KPTN: variants seen among roughly 807,000 people sequenced by gnomAD.
The protein encoded by KPTN is KICSTOR complex protein kaptin.
Under a neutral mutation model 52.6 loss-of-function variants are expected in KPTN, and 36 were observed. The observed-to-expected ratio is 0.68, with a 90% CI of 0.52 to 0.90. The LOEUF is 0.90. KPTN is among the 40% of genes least tolerant of loss of function. The pLI, the probability that KPTN is intolerant of heterozygous loss-of-function variation, is 0.00. For synonymous variants in KPTN, 271 were observed against 248.4 expected, an observed-to-expected ratio of 1.09 and a Z score of -0.85; for missense variants, 529 against 576.2, an observed-to-expected ratio of 0.92 and a Z score of 0.84.
At chr19:47,477,844 G>T in intron 8 of KPTN, 63 bp from the exon 9 acceptor site, 1 of 1,183,784 alleles carries the variant, frequency 8.4e-7, no homozygotes, top group South Asian at 1.2e-5. Flanking sequence ...TGGATCAGCT[G>T]AGGTCAGGAG....
At chr19:47,483,403 G>A in intron 2 of KPTN, 24 bp from the exon 3 acceptor site, 1 of 1,610,054 alleles carries the variant, frequency 6.2e-7, no homozygotes, top group African/African-American at 1.3e-5. Flanking sequence ...CGGGGTTCAG[G>A]GGAGGGCAGG....
In KPTN at chr19:47,477,758, C is replaced by T. The variant is rs1236514676; in HGVS notation, c.811G>A (p.Asp271Asn). The T allele has an allele frequency of 6.2e-7, 1 of 1,613,694 alleles. No individual in the cohort carries two copies. The highest frequency in any genetic ancestry group is 8.5e-7 in the Non-Finnish European group (1 of 1,179,652). Residue 271 changes from aspartate to asparagine, a missense_variant, in exon 9 of 12, where the codon GAT (aspartate) becomes AAT (asparagine). By Grantham distance (23) the Asp-to-Asn change is conservative. Coordinates refer to ENST00000338134, the MANE Select transcript of KPTN (RefSeq NM_007059.4). ...AKETKDRPLQ[D>N]EYSVLVASML... ...CTGGCCACGAGCACGCTGTACTCAT[C>T]TTGTAGTGGCCTGTCCTTGGTCTCT...
rs746683788 is a variant in KPTN, at chr19:47,484,130, G to T, written c.31C>A (p.Pro11Thr). ...AAGCTGTCCTCGCGCAACGGACAAG[G>T]CCCCGCGGCCACGGCCGCCTCCCCC... MMGEAAVAAG[P>T]CPLREDSFTR... Residue 11 changes from proline (P) to threonine (T), a missense_variant, in exon 1 of 12, where the codon CCT becomes ACT. Physicochemically the swap from Pro to Thr is conservative, Grantham distance 38. Transcript: ENST00000338134. 2.5e-6 allele frequency: 4 copies of T among 1,599,658 alleles called. No homozygotes were observed. The highest frequency in any genetic ancestry group is 3.4e-6 in the Non-Finnish European group (4 of 1,178,900).
chr19:47,481,181 A>G (rs898256384), intron 4 of KPTN, 148 bp from the exon 5 acceptor site: 9 of 664,806 alleles, frequency 1.4e-5, no homozygotes, highest in Admixed American at 9.4e-5. Flanking sequence ...CTCAGGGCTC[A>G]AGCTCCTGAG....
chr19:47,482,913 G>A (rs1568457985), intron 4 of KPTN, among the ~76,000 whole-genome samples: 1 of 152,086 alleles, frequency 6.6e-6, no homozygotes, highest in Admixed American at 6.6e-5. Flanking sequence ...CGCCATGTTG[G>A]CCAGGCTGGT....
At chr19:47,480,682 T>A in intron 6 of KPTN, 78 bp downstream of exon 6, 2 of 1,351,202 alleles carry the variant, frequency 1.5e-6, no homozygotes, top group Non-Finnish European at 2.1e-6. Flanking sequence ...GGTGACCAAT[T>A]TCTCTAAGGT....
At chr19:47,482,799 G>C (rs111816571) in intron 4 of KPTN, among the ~76,000 whole-genome samples, 1,938 of 152,190 alleles carry the variant, frequency 0.013, 43 homozygotes, top group African/African-American at 0.043. Context: ...TCCGCCTCCC[G>C]GGTTCAAGTG....
chr19:47,484,462 T>C (rs1033387407), upstream of KPTN: 4 of 478,616 alleles, frequency 8.4e-6, no homozygotes, highest in Non-Finnish European at 1.5e-5. Flanking sequence ...CTGTATGCTG[T>C]GTGGAAGGTC....
At chr19:47,484,806 G>T (rs1182302941), upstream of KPTN, among the ~76,000 whole-genome samples, 1 of 150,296 alleles carries the variant, frequency 6.7e-6, no homozygotes, top group Non-Finnish European at 1.5e-5. Flanking sequence ...CTGGGTTCAA[G>T]CGATTCTCCT....
chr19:47,481,143 A>T, intron 4 of KPTN, 110 bp from the exon 5 acceptor site: 1 of 825,970 alleles, frequency 1.2e-6, no homozygotes, highest in Non-Finnish European at 2.0e-6. Context: ...ACATTCTGGG[A>T]TCCAGACACT....
rs144668323 is a variant in KPTN, at chr19:47,483,673, A to G, written c.227-89T>C. The stretch of plus-strand genomic sequence containing the variant: ...GTGAGCTCTGGCTACCGCAATGATC[A>G]TGCCCTCTGGTCTGAGTCCTGACCA... On this transcript the variant is annotated intron_variant, in intron 1 of 11. Transcript: ENST00000338134. 2,489 of 1,052,082 alleles carry G rather than the reference A, an allele frequency of 2.4e-3. 17 individuals are homozygous for G. Among genetic ancestry groups the G allele is most frequent in the South Asian group, 8.8e-3 (584 of 66,042 alleles). 65.2% of individuals were successfully genotyped at this position (1,052,082 alleles called of 1,614,324 possible). A position where few individuals can be genotyped will look rare whatever the true frequency, so the allele number is the denominator to read the frequency against.
chr19:47,476,994 C>A, intron 9 of KPTN, 56 bp from the exon 10 acceptor site: 1 of 1,525,662 alleles, frequency 6.6e-7, no homozygotes, highest in African/African-American at 1.4e-5. Context: ...GCCCAGCACC[C>A]TTGGCGGATG....
intron 11 of KPTN, among the ~76,000 whole-genome samples, chr19:47,475,864 G>A (rs891673323): frequency 2.2e-4 from 33 of 152,026 alleles, no homozygotes; most frequent in Admixed American, 9.8e-4. Context: ...GGGAGGCTGA[G>A]GCAGGACAAT....
rs1967839538 is a variant in KPTN, at chr19:47,480,478, G to A, written c.600-71C>T. 7.0e-6 allele frequency: 8 copies of A among 1,140,650 alleles called. No individual in the cohort carries two copies. In the East Asian group the frequency reaches 1.6e-4, roughly 22 times the overall value. The allele number at this position is 1,140,650 out of a possible 1,614,324, so 70.7% of individuals were successfully genotyped here. A position where few individuals can be genotyped will look rare whatever the true frequency, so the allele number is the denominator to read the frequency against. ...CAGCCCCGCCCCTCTGCCTCCCCAGGGGCAGCCGCCCCTCCCTGTAGCCCT... is the reference window on the plus strand; with the variant it reads ...CAGCCCCGCCCCTCTGCCTCCCCAGAGGCAGCCGCCCCTCCCTGTAGCCCT... On this transcript the variant is annotated intron_variant, in intron 6 of 11. Transcript: ENST00000338134.
chr19:47,483,973 C>T lies in KPTN; in HGVS notation c.188G>A (p.Arg63Gln), dbSNP rs142867197. The change falls in exon 1 of 12, where the codon CGG becomes CAG. Residue 63 changes from arginine to glutamine, a missense_variant. Transcript: ENST00000338134. ...GAACTGCAGCTCCTTGGCCACTGGC[C>T]GGATTTTCTGTCGGAGGTCTTGGTA... ...FRYQDLRQKIRPVAKELQFNY... is the reference protein window; with the variant it reads ...FRYQDLRQKIQPVAKELQFNY... The T allele has an allele frequency of 1.2e-3, 1,954 of 1,613,730 alleles. 2 individuals carry two copies. The highest frequency in any genetic ancestry group is 9.2e-3 in the Middle Eastern group (56 of 6,062).
At chr19:47,476,430 G>T (rs1599867846) in intron 11 of KPTN, 102 bp downstream of exon 11, 3 of 940,046 alleles carry the variant, frequency 3.2e-6, no homozygotes, top group Non-Finnish European at 3.0e-6. Flanking sequence ...GGTAGGAACT[G>T]CCTCCCTGAA....
intron 7 of KPTN, 60 bp downstream of exon 7, chr19:47,480,238 C>A: frequency 9.6e-7 from 1 of 1,037,066 alleles, no homozygotes; most frequent in South Asian, 1.4e-5. Context: ...TCAGCCCCAC[C>A]CTGGCCCCGC....
At chr19:47,476,768 G>A (rs1967683916) in intron 10 of KPTN, 35 bp downstream of exon 10, 7 of 1,600,784 alleles carry the variant, frequency 4.4e-6, no homozygotes, top group Middle Eastern at 1.7e-4. Flanking sequence ...AGTGGAGGGA[G>A]GCCGGTGGGT....
chr19:47,478,354 G>A (rs1336683501), intron 8 of KPTN, among the ~76,000 whole-genome samples: 1 of 151,866 alleles, frequency 6.6e-6, no homozygotes, highest in Non-Finnish European at 1.5e-5. Context: ...GAGGCAGGCG[G>A]ATCACCTGAG....
Sources: gnomAD v4.1 joint callset for allele counts (sites outside exome capture counted in the v4.1 genomes callset) on GRCh38, gnomAD v4.1.1 for gene constraint, MANE v1.5 for transcripts, NCBI Gene and HGNC (gene_info 2026-07-23, HGNC 2026-07-21) for gene names.